Variants in TNFRSF10B observed in about 807,000 individuals in gnomAD.
The protein encoded by TNFRSF10B is tumor necrosis factor receptor superfamily member 10B.
Under a neutral mutation model 41.4 loss-of-function variants are expected in TNFRSF10B, and 35 were observed. That is an observed-to-expected ratio of 0.85 (90% CI 0.65 to 1.12). The LOEUF (loss-of-function observed/expected upper bound fraction) is 1.12. Among genes scored for constraint, TNFRSF10B ranks in the 50% most tolerant of loss-of-function variants. TNFRSF10B has a pLI of 0.00. For synonymous variants in TNFRSF10B, 230 were observed against 215.5 expected (o/e 1.07, Z -0.59); for missense variants, 584 against 552.7 (o/e 1.06, Z -0.57).
At chr8:23,023,567 G>A (rs1014720999) in intron 8 of TNFRSF10B, among the ~76,000 whole-genome samples, 1 of 152,116 alleles carries the variant, frequency 6.6e-6, no homozygotes, top group Non-Finnish European at 1.5e-5. Context: ...TAAATGAGAC[G>A]TGTGTGCAAC....
At chr8:23,056,121 A>G (rs1812657609) in intron 1 of TNFRSF10B, among the ~76,000 whole-genome samples, 1 of 152,218 alleles carries the variant, frequency 6.6e-6, no homozygotes, top group African/African-American at 2.4e-5. Flanking sequence ...AAAAATTAAA[A>G]GTAGAATTAC....
chr8:23,066,455 G>A (rs1812982402), intron 1 of TNFRSF10B, among the ~76,000 whole-genome samples: 1 of 152,096 alleles, frequency 6.6e-6, no homozygotes, highest in African/African-American at 2.4e-5. Flanking sequence ...ACAGGGAAAT[G>A]TCCAAAGTGA....
chr8:23,030,176 A>G (rs1007836527), intron 3 of TNFRSF10B, among the ~76,000 whole-genome samples: 4 of 152,182 alleles, frequency 2.6e-5, no homozygotes, highest in Non-Finnish European at 1.5e-5. Flanking sequence ...GCCTGGCCCC[A>G]AAGCAGACCT....
Position 23,053,809 on chromosome 8 carries a change from A to C in TNFRSF10B, c.145-10566T>G, listed in dbSNP as rs552423780. On this transcript the variant is annotated intron_variant, in intron 1 of 8. Coordinates refer to ENST00000276431, the MANE Select transcript of TNFRSF10B (RefSeq NM_003842.5). ...AATGTGGCTTATTTGATATAAAATT[A>C]TACAGGAAGCATTGTCAAACATGAA... 7.9e-5 allele frequency among the ~76,000 whole-genome samples: 12 copies of C among 152,370 alleles called. 2 individuals are homozygous for C. Among genetic ancestry groups the C allele is most frequent in the African/African-American group, 2.9e-4 (12 of 41,594 alleles).
intron 1 of TNFRSF10B, chr8:23,049,631 G>C (rs1812463108): frequency 6.6e-6 from 1 of 152,224 alleles, no homozygotes; most frequent in Non-Finnish European, 1.5e-5. Context: ...ATATAGCTTA[G>C]AAGGGATATA....
In TNFRSF10B at chr8:23,022,531, G is replaced by A. The variant is rs562313379; in HGVS notation, c.*140C>T. The A allele has an allele frequency of 3.0e-4, 259 of 857,074 alleles. 1 individual carries two copies. The South Asian group carries it at 3.6e-3, about 12-fold the overall frequency. The allele number at this position is 857,074 out of a possible 1,614,324, so 53.1% of individuals were successfully genotyped here. A position where few individuals can be genotyped will look rare whatever the true frequency, so the allele number is the denominator to read the frequency against. On this transcript the variant is annotated 3_prime_UTR_variant, in exon 9 of 9. Transcript: ENST00000276431. ...AAGTTACAGGATGTTCCATCCACTG[G>A]GTGATGTTGGATGGGAGAGTTTCTT...
chr8:23,022,618 T>C lies in TNFRSF10B; in HGVS notation c.*53A>G, dbSNP rs899318431. 1 of 1,609,076 alleles carries C rather than the reference T, an allele frequency of 6.2e-7. No homozygotes were observed. Among genetic ancestry groups the C allele is most frequent in the Non-Finnish European group, 8.5e-7 (1 of 1,176,664 alleles). The stretch of plus-strand genomic sequence containing the variant: ...ACTGACTGGAGTCCAGTTGGGCTTT[T>C]TCCAGAAAAAAGGTAAACCAGGGAA... On this transcript the variant is annotated 3_prime_UTR_variant, in exon 9 of 9. Coordinates refer to ENST00000276431, the MANE Select transcript of TNFRSF10B (RefSeq NM_003842.5).
intron 1 of TNFRSF10B, among the ~76,000 whole-genome samples, chr8:23,055,184 G>C (rs1236788454): frequency 2.6e-5 from 4 of 151,192 alleles, no homozygotes; most frequent in African/African-American, 9.7e-5. Flanking sequence ...CCTAAGCTTT[G>C]CTTTCTTAAA....
intron 1 of TNFRSF10B, among the ~76,000 whole-genome samples, chr8:23,052,368 C>A (rs1193570156): frequency 6.7e-6 from 1 of 150,300 alleles, no homozygotes; most frequent in Non-Finnish European, 1.5e-5. Flanking sequence ...TCACTGCAAG[C>A]TCCACCTCCC....
At chr8:23,025,784 A>G (rs912909418) in intron 7 of TNFRSF10B, among the ~76,000 whole-genome samples, 3 of 152,200 alleles carry the variant, frequency 2.0e-5, no homozygotes, top group Non-Finnish European at 2.9e-5. Flanking sequence ...CTGCTTTCAA[A>G]AAATGATCAG....
chr8:23,028,568 T>C lies in TNFRSF10B; in HGVS notation c.511A>G (p.Thr171Ala), dbSNP rs1401471669. 3 of 1,614,022 alleles carry C rather than the reference T, an allele frequency of 1.9e-6. No homozygotes were observed. The South Asian group carries it at 3.3e-5, about 18-fold the overall frequency. Reference sequence around the variant, plus strand: ...ACACATTCGATGTCACTCCAGGGTGTACAATCACCGACCTTGACCATCCCT... The same window carrying C: ...ACACATTCGATGTCACTCCAGGGTGCACAATCACCGACCTTGACCATCCCT... ...PRGMVKVGDCTPWSDIECVHK... is the reference protein window; with the variant it reads ...PRGMVKVGDCAPWSDIECVHK... The change falls in exon 5 of 9, where the codon ACA becomes GCA. Residue 171 changes from threonine (T) to alanine (A), a missense_variant. Thr to Ala is a moderately conservative substitution (Grantham distance 58). Coordinates refer to ENST00000276431, the MANE Select transcript of TNFRSF10B (RefSeq NM_003842.5).
At chr8:23,041,588 T>C (rs1812202744) in intron 2 of TNFRSF10B, among the ~76,000 whole-genome samples, 1 of 145,018 alleles carries the variant, frequency 6.9e-6, no homozygotes, top group Non-Finnish European at 1.5e-5. Context: ...TAAGAATTCA[T>C]GTGACTCAAT....
Position 23,021,945 on chromosome 8 carries a change from T to C in TNFRSF10B, c.*726A>G, listed in dbSNP as rs554429305. Reference sequence around the variant, plus strand: ...AAGTTTCTTCATGTTCATAAAATAATAACATACAGAATTATAAAAGTAGAA... The same window carrying C: ...AAGTTTCTTCATGTTCATAAAATAACAACATACAGAATTATAAAAGTAGAA... On this transcript the variant is annotated 3_prime_UTR_variant, in exon 9 of 9. Coordinates refer to ENST00000276431, the MANE Select transcript of TNFRSF10B (RefSeq NM_003842.5). The C allele has an allele frequency of 1.1e-4, 49 of 452,880 alleles. No homozygotes were observed. Among genetic ancestry groups the C allele is most frequent in the African/African-American group, 8.8e-4 (44 of 49,972 alleles). The allele number at this position is 452,880 out of a possible 1,614,324, so 28.1% of individuals were successfully genotyped here.
intron 1 of TNFRSF10B, among the ~76,000 whole-genome samples, chr8:23,057,116 T>C (rs2128819798): frequency 6.7e-6 from 1 of 148,836 alleles, no homozygotes; most frequent in South Asian, 2.1e-4. Context: ...CTTGGCTCAC[T>C]GCAAGCTCTG....
chr8:23,056,040 C>CT (rs1445893384), intron 1 of TNFRSF10B, among the ~76,000 whole-genome samples: 2 of 152,166 alleles, frequency 1.3e-5, no homozygotes, highest in Non-Finnish European at 2.9e-5. Context: ...TCATTGGCAT[C>CT]TCATTAATGG....
At chr8:23,063,921 C>T (rs10112431) in intron 1 of TNFRSF10B, among the ~76,000 whole-genome samples, 67,126 of 152,078 alleles carry the variant, frequency 0.44, 15,354 homozygotes, top group East Asian at 0.69. Flanking sequence ...CCACCTCTCA[C>T]GTTTAACACA....
chr8:23,051,168 T>C (rs1271492708), intron 1 of TNFRSF10B, among the ~76,000 whole-genome samples: 1 of 151,792 alleles, frequency 6.6e-6, no homozygotes, highest in Admixed American at 6.6e-5. Context: ...ACTGAAGATA[T>C]ACAAAAGAGG....
intron 1 of TNFRSF10B, among the ~76,000 whole-genome samples, chr8:23,065,648 C>A (rs10092037): frequency 6.6e-6 from 1 of 152,138 alleles, no homozygotes; most frequent in African/African-American, 2.4e-5. Flanking sequence ...AATAAGGCAA[C>A]TGAACACAAG....
In TNFRSF10B at chr8:23,068,786, T is replaced by C. The variant is rs1813079875; in HGVS notation, c.109A>G (p.Thr37Ala). The C allele has an allele frequency of 6.2e-7, 1 of 1,606,188 alleles. No individual in the cohort carries two copies. Residue 37 changes from threonine (T) to alanine (A), a missense_variant, in exon 1 of 9, where the codon ACC (threonine) becomes GCC (alanine). Thr to Ala is a moderately conservative substitution (Grantham distance 58). Transcript: ENST00000276431. ...GARPGPRVPK[T>A]LVLVVAAVLL... ...ACCGCGGCGACAACGAGCACAAGGG[T>C]CTTGGGGACCCGGGGCCCAGGCCTG...
Sources: gnomAD v4.1 joint callset for allele counts (sites outside exome capture counted in the v4.1 genomes callset) on GRCh38, gnomAD v4.1.1 for gene constraint, MANE v1.5 for transcripts, NCBI Gene and HGNC (gene_info 2026-07-23, HGNC 2026-07-21) for gene names.